Variants in CLASRP observed in about 807,000 individuals in gnomAD.
CLASRP encodes CLK4 associating serine/arginine rich protein.
A neutral mutation model predicts 99.9 loss-of-function variants in CLASRP; 52 were observed. The ratio of observed to expected loss-of-function variants is 0.52; its 90% confidence interval spans 0.42 to 0.66. The LOEUF is 0.66. CLASRP is among the 30% of genes least tolerant of loss of function. CLASRP has a pLI of 0.00. For synonymous variants in CLASRP, 379 were observed against 373.0 expected (o/e 1.02, Z -0.18); for missense variants, 848 against 999.2 (o/e 0.85, Z 2.04).
intron 12 of CLASRP, 53 bp from the exon 13 acceptor site, chr19:45,064,290 G>C (rs1020957214): frequency 2.0e-5 from 30 of 1,509,454 alleles, no homozygotes; most frequent in Non-Finnish European, 2.6e-5. Context: ...CCGGGGCAGA[G>C]GGGGGCCGCG....
At chr19:45,052,274 G>C (rs1972038800) in intron 3 of CLASRP, 106 bp downstream of exon 3, 1 of 908,752 alleles carries the variant, frequency 1.1e-6, no homozygotes, top group Non-Finnish European at 1.8e-6. Flanking sequence ...ACAGACCTTT[G>C]GGGACTCAGA....
rs747339761 is a variant in CLASRP at position 45,070,863 on chromosome 19, G to T, written c.*18G>T. 4.6e-5 allele frequency: 69 copies of T among 1,513,142 alleles called. No individual in the cohort carries two copies. The highest frequency in any genetic ancestry group is 1.5e-4 in the South Asian group (13 of 87,776). 93.7% of individuals were successfully genotyped at this position (1,513,142 alleles called of 1,614,324 possible). A position where few individuals can be genotyped will look rare whatever the true frequency, so the allele number is the denominator to read the frequency against. On this transcript the variant is annotated 3_prime_UTR_variant, in exon 21 of 21. Coordinates refer to ENST00000221455, the MANE Select transcript of CLASRP (RefSeq NM_007056.3). ...GACATTAGGCAGAAGAGTGGGGGGT[G>T]GGGAGGACAAGGGGGTGGGTAAGGG...
chr19:45,047,438 GAGAGAGGA>G (rs1489749389), intron 2 of CLASRP: 1 of 147,210 alleles, frequency 6.8e-6, no homozygotes, highest in Non-Finnish European at 1.5e-5. Flanking sequence ...AAAACAGAGA[GAGAGAGGA>G]AGGGAGGAAG....
chr19:45,056,257 G>A (rs1479993285), intron 5 of CLASRP, among the ~76,000 whole-genome samples, 193 bp from the exon 6 acceptor site: 1 of 152,352 alleles, frequency 6.6e-6, no homozygotes, highest in East Asian at 1.9e-4. Flanking sequence ...CTTGACCAAG[G>A]TCGTGTGTCC....
At chr19:45,058,006 C>T in intron 7 of CLASRP, 108 bp downstream of exon 7, 1 of 1,402,782 alleles carries the variant, frequency 7.1e-7, no homozygotes, top group Non-Finnish European at 9.7e-7. Context: ...GTGTCTCTCT[C>T]CCTACCCCGC....
rs1206692532 is a variant in CLASRP at position 45,064,138 on chromosome 19, T to C, written c.1032T>C (p.Ala344=). Residue 344 remains alanine, a synonymous_variant, in exon 12 of 21, where the codon GCT becomes GCC. Transcript: ENST00000221455. ...GSDEEAAAAA[A]AAAASGVTTG... ...ATGAGGAGGCAGCCGCAGCCGCTGC[T>C]GCCGCAGCAGCATCAGGAGTCACCA... 1 of 1,611,036 alleles carries C rather than the reference T, an allele frequency of 6.2e-7. No homozygotes were observed. Among genetic ancestry groups the C allele is most frequent in the Admixed American group, 1.7e-5 (1 of 59,910 alleles).
chr19:45,052,399 G>A (rs1345374096), intron 3 of CLASRP, among the ~76,000 whole-genome samples: 1 of 152,184 alleles, frequency 6.6e-6, no homozygotes, highest in Non-Finnish European at 1.5e-5. Flanking sequence ...ACTTAGAAAT[G>A]GGTGGAGCCA....
rs1046182188 is a variant in CLASRP at position 45,060,259 on chromosome 19, T to C, written c.711-130T>C. On this transcript the variant is annotated intron_variant, in intron 8 of 20. Transcript: ENST00000221455. The surrounding 1 kb of genome is among the most constrained non-coding windows in gnomAD (Gnocchi z 4.6). ...CACAGAGGGTGCTTGATAAGTGGCA[T>C]TGAATGAAAGATACCTCAGGCTGGC... 4 of 739,814 alleles carry C rather than the reference T, an allele frequency of 5.4e-6. No individual in the cohort carries two copies. The highest frequency in any genetic ancestry group is 2.3e-4 in the Middle Eastern group (1 of 4,296). 45.8% of individuals were successfully genotyped at this position (739,814 alleles called of 1,614,324 possible). A position where few individuals can be genotyped will look rare whatever the true frequency, so the allele number is the denominator to read the frequency against.
intron 2 of CLASRP, among the ~76,000 whole-genome samples, chr19:45,046,799 G>A (rs1840942190): frequency 6.6e-6 from 1 of 152,230 alleles, no homozygotes; most frequent in Non-Finnish European, 1.5e-5. Context: ...AGGCTGAGGT[G>A]AGCAGATCAC....
intron 10 of CLASRP, among the ~76,000 whole-genome samples, 163 bp from the exon 11 acceptor site, chr19:45,061,991 G>C (rs1466910764): frequency 6.6e-6 from 1 of 151,794 alleles, no homozygotes; most frequent in Non-Finnish European, 1.5e-5. Flanking sequence ...ATCTGAGGTG[G>C]GGGTGGGTGG....
chr19:45,052,152 G>C lies in CLASRP; in HGVS notation c.181G>C (p.Glu61Gln). The C allele has an allele frequency of 6.2e-7, 1 of 1,613,960 alleles. No individual in the cohort carries two copies. The highest frequency in any genetic ancestry group is 8.5e-7 in the Non-Finnish European group (1 of 1,179,978). The change falls in exon 3 of 21, where the codon GAG (glutamate) becomes CAG (glutamine). Residue 61 changes from glutamate to glutamine, a missense_variant. Glu to Gln is a conservative substitution (Grantham distance 29, BLOSUM62 2). Around this residue, in one of 8 missense-constraint regions of CLASRP, gnomAD observed 46 missense variants for 96.8 expected, o/e 0.48. Transcript: ENST00000221455. Reference protein sequence around the residue: ...HLDSAVALAAESPVNMMPWQG... With the variant: ...HLDSAVALAAQSPVNMMPWQG... ...GGATTCTGCAGTCGCCCTGGCCGCTGAGAGCCCTGTTAATATGTAAGACTG... is the reference window on the plus strand; with the variant it reads ...GGATTCTGCAGTCGCCCTGGCCGCTCAGAGCCCTGTTAATATGTAAGACTG...
At chr19:45,039,444 C>T (rs1282024349) in intron 1 of CLASRP, 2 of 152,390 alleles carry the variant, frequency 1.3e-5, no homozygotes, top group Non-Finnish European at 2.9e-5. Flanking sequence ...TCGGTCTCCG[C>T]CCTTTCCCGC....
At chr19:45,053,608 A>G (rs1390881965) in intron 5 of CLASRP, among the ~76,000 whole-genome samples, 2 of 151,882 alleles carry the variant, frequency 1.3e-5, no homozygotes, top group Non-Finnish European at 2.9e-5. Flanking sequence ...CCTCCTGAGT[A>G]GCTGGGATTA....
intron 2 of CLASRP, among the ~76,000 whole-genome samples, chr19:45,046,083 G>A (rs986128296): frequency 1.3e-5 from 2 of 152,192 alleles, no homozygotes; most frequent in Non-Finnish European, 2.9e-5. Flanking sequence ...GTATGTGAAC[G>A]TGACCTGCAT....
At chr19:45,068,163 C>T in intron 15 of CLASRP, 109 bp downstream of exon 15, 1 of 976,006 alleles carries the variant, frequency 1.0e-6, no homozygotes, top group South Asian at 1.3e-5. Flanking sequence ...AGATCCAGCC[C>T]CAGGGACAGG....
intron 10 of CLASRP, among the ~76,000 whole-genome samples, chr19:45,061,700 C>T (rs891672038): frequency 6.6e-6 from 1 of 152,046 alleles, no homozygotes; most frequent in Admixed American, 6.6e-5. Context: ...TCTCAAACTC[C>T]TGGGTTCAAG....
intron 5 of CLASRP, 40 bp downstream of exon 5, chr19:45,053,217 G>T: frequency 6.3e-7 from 1 of 1,598,690 alleles, no homozygotes; most frequent in Non-Finnish European, 8.6e-7. Flanking sequence ...TGGGGTTTGA[G>T]CCTGGAGCCT....
At chr19:45,044,264 G>A (rs550210426) in intron 2 of CLASRP, among the ~76,000 whole-genome samples, 3 of 152,346 alleles carry the variant, frequency 2.0e-5, no homozygotes, top group South Asian at 2.1e-4. Context: ...ACAGGCCTGC[G>A]AGGTAGGTAT....
At position 45,054,701 on chromosome 19, in the gene CLASRP, C is replaced by T. The variant is rs544505667; in HGVS notation, c.379+1524C>T. ...TTGAGATTCCCTTTCTTGGGATTCCCTGTGGAGTTAAGGGAAGGATGGAGT... is the reference window on the plus strand; with the variant it reads ...TTGAGATTCCCTTTCTTGGGATTCCTTGTGGAGTTAAGGGAAGGATGGAGT... On this transcript the variant is annotated intron_variant, in intron 5 of 20. Coordinates refer to ENST00000221455, the MANE Select transcript of CLASRP (RefSeq NM_007056.3). Among the ~76,000 whole-genome samples, 13 of 152,286 alleles carry T rather than the reference C, an allele frequency of 8.5e-5. No homozygotes were observed. In the South Asian group the frequency reaches 2.7e-3, roughly 32 times the overall value.
Sources: gnomAD v4.1 joint callset for allele counts (sites outside exome capture counted in the v4.1 genomes callset) on GRCh38, gnomAD v4.1.1 for gene constraint, gnomAD v4.1.1 regional missense constraint, Gnocchi (gnomAD v3.1) non-coding constraint, MANE v1.5 for transcripts, NCBI Gene and HGNC (gene_info 2026-07-23, HGNC 2026-07-21) for gene names.